Variants in GLRA2 observed in about 807,000 individuals in gnomAD.
GLRA2 encodes glycine receptor subunit alpha-2.
In GLRA2, 11 loss-of-function variants were observed where a neutral mutation model predicts 31.6. That is an observed-to-expected ratio of 0.35 (90% CI 0.22 to 0.58). The LOEUF (loss-of-function observed/expected upper bound fraction) is 0.58. Among genes scored for constraint, GLRA2 ranks in the 20% least tolerant of loss-of-function variants. The pLI, the probability that GLRA2 is intolerant of heterozygous loss-of-function variation, is 0.84. For synonymous variants in GLRA2, 132 were observed against 134.0 expected (o/e 0.99, Z 0.10); for missense variants, 212 against 351.8 (o/e 0.60, Z 3.18).
Position 14,669,715 on chromosome X carries a change from C to T in GLRA2, c.931-20995C>T, listed in dbSNP as rs2091071292. 3.6e-5 allele frequency among the ~76,000 whole-genome samples: 4 copies of T among 111,783 alleles called. No individual in the cohort carries two copies. In the Admixed American group the frequency reaches 3.8e-4, roughly 11 times the overall value. Reference sequence around the variant, plus strand: ...TGCAGGTCACCAAGTCCCAAGGCTGCATGCTGCAAACAGCACAGGGACCCC... The same window carrying T: ...TGCAGGTCACCAAGTCCCAAGGCTGTATGCTGCAAACAGCACAGGGACCCC... On this transcript the variant is annotated intron_variant, in intron 7 of 8. Transcript: ENST00000218075.
At chrX:14,645,862 T>C (rs2090824882) in intron 7 of GLRA2, among the ~76,000 whole-genome samples, 1 of 111,921 alleles carries the variant, frequency 8.9e-6, no homozygotes, top group Non-Finnish European at 1.9e-5. Flanking sequence ...AATACCTCCA[T>C]TGATCCTCTG....
At position 14,665,564 on chromosome X, in the gene GLRA2, A is replaced by G. The variant is rs2091030140; in HGVS notation, c.931-25146A>G. The stretch of plus-strand genomic sequence containing the variant: ...AATAAATCCTCAAACGGCAGATGGC[A>G]TGGTGGAGGGGATGTATAGTCAGTC... On this transcript the variant is annotated intron_variant, in intron 7 of 8. Coordinates refer to ENST00000218075, the MANE Select transcript of GLRA2 (RefSeq NM_002063.4). Among the ~76,000 whole-genome samples, 3 of 111,760 alleles carry G rather than the reference A, an allele frequency of 2.7e-5. No individual in the cohort carries two copies. The Admixed American group carries it at 2.9e-4, about 11-fold the overall frequency.
At chrX:14,497,430 T>C in the GLRA2 span, among the ~76,000 whole-genome samples, 1 of 112,086 alleles carries the variant, frequency 8.9e-6, no homozygotes, top group Non-Finnish European at 1.9e-5. Context: ...CGGTGCAGTC[T>C]TTTATAATTC....
chrX:14,604,675 A>G (rs2090315494), intron 5 of GLRA2, among the ~76,000 whole-genome samples: 1 of 108,964 alleles, frequency 9.2e-6, no homozygotes, highest in African/African-American at 3.3e-5. Flanking sequence ...CCCCCCGCCC[A>G]AAAAATAGCC....
chrX:14,678,848 G>A (rs749547756), intron 7 of GLRA2, among the ~76,000 whole-genome samples: 2 of 110,875 alleles, frequency 1.8e-5, no homozygotes, highest in South Asian at 3.9e-4. Flanking sequence ...CTATGGGGTT[G>A]GTGGCCCTAG....
In GLRA2 at chrX:14,567,735, G is replaced by T. The variant is rs182773321; in HGVS notation, c.203-6598G>T. On this transcript the variant is annotated intron_variant, in intron 2 of 8. Transcript: ENST00000218075. ...AGTCCTACGTATAGAAAACCCCAAAGAATCCAAAAGAAAATTACTAGAGCT... is the reference window on the plus strand; with the variant it reads ...AGTCCTACGTATAGAAAACCCCAAATAATCCAAAAGAAAATTACTAGAGCT... Among the ~76,000 whole-genome samples the T allele has an allele frequency of 1.5e-4, 17 of 111,813 alleles. No homozygotes were observed. The East Asian group carries it at 4.7e-3, about 31-fold the overall frequency.
At chrX:14,691,860 T>G (rs1043273941) in intron 8 of GLRA2, among the ~76,000 whole-genome samples, 7 of 112,314 alleles carry the variant, frequency 6.2e-5, no homozygotes. Flanking sequence ...TAACATTTTA[T>G]GTACAGTAGA....
chrX:14,523,512 C>T, the GLRA2 span, among the ~76,000 whole-genome samples: 3 of 112,317 alleles, frequency 2.7e-5, no homozygotes, highest in Non-Finnish European at 5.6e-5. Flanking sequence ...AGAGGCCTAA[C>T]TTTTGGCCTA....
At chrX:14,602,924 T>G (rs910370149) in intron 4 of GLRA2, among the ~76,000 whole-genome samples, 1 of 111,655 alleles carries the variant, frequency 9.0e-6, no homozygotes, top group African/African-American at 3.3e-5. Context: ...ATAACTTCTT[T>G]TTCTCTGGGT....
the GLRA2 span, among the ~76,000 whole-genome samples, chrX:14,497,920 T>C: frequency 4.5e-5 from 5 of 110,518 alleles, no homozygotes; most frequent in African/African-American, 1.6e-4. Flanking sequence ...GACAGCAAGA[T>C]GGATTATGCA....
At chrX:14,649,214 T>A (rs781138729) in intron 7 of GLRA2, among the ~76,000 whole-genome samples, 194 of 103,133 alleles carry the variant, frequency 1.9e-3, no homozygotes, top group Middle Eastern at 9.9e-3. Context: ...CTCCGTTTTT[T>A]AAAAAAAAAA....
intron 7 of GLRA2, among the ~76,000 whole-genome samples, chrX:14,616,616 G>C (rs2090456831): frequency 9.0e-6 from 1 of 111,643 alleles, no homozygotes; most frequent in Non-Finnish European, 1.9e-5. Context: ...ATTGCAGTAA[G>C]AGAACTACGA....
Position 14,702,162 on chromosome X carries a change from T to G in GLRA2, c.1080+11303T>G, listed in dbSNP as rs144028667. Among the ~76,000 whole-genome samples the G allele has an allele frequency of 3.2e-3, 361 of 111,676 alleles. 1 individual carries two copies. The highest frequency in any genetic ancestry group is 0.011 in the African/African-American group (328 of 30,688). On this transcript the variant is annotated intron_variant, in intron 8 of 8. Coordinates refer to ENST00000218075, the MANE Select transcript of GLRA2 (RefSeq NM_002063.4). ...ACGACATGATGCTTTCACTACATCA[T>G]AAAAAGTTGAGTCAGGAAAGTGCTA...
At chrX:14,625,945 T>C (rs1569512394) in intron 7 of GLRA2, among the ~76,000 whole-genome samples, 1 of 112,113 alleles carries the variant, frequency 8.9e-6, no homozygotes, top group Non-Finnish European at 1.9e-5. Flanking sequence ...CTCAAGGTCA[T>C]ACAGAGCTAG....
chrX:14,626,810 G>C (rs1400232611), intron 7 of GLRA2, among the ~76,000 whole-genome samples: 3 of 112,097 alleles, frequency 2.7e-5, no homozygotes, highest in Non-Finnish European at 5.7e-5. Context: ...AGGAACTGCA[G>C]TCACACATAA....
intron 3 of GLRA2, among the ~76,000 whole-genome samples, chrX:14,577,434 C>A (rs994804937): frequency 8.9e-6 from 1 of 112,675 alleles, no homozygotes; most frequent in Non-Finnish European, 1.9e-5. Context: ...TGAGGCCCTG[C>A]CTGGGACTCC....
At chrX:14,600,494 CTA>C (rs1233760602) in intron 4 of GLRA2, among the ~76,000 whole-genome samples, 2 of 110,832 alleles carry the variant, frequency 1.8e-5, no homozygotes, top group East Asian at 5.7e-4. Context: ...CATATGCCAT[CTA>C]ATTATTTTCA....
intron 2 of GLRA2, among the ~76,000 whole-genome samples, chrX:14,544,743 G>A (rs1485900940): frequency 9.0e-6 from 1 of 111,459 alleles, no homozygotes; most frequent in African/African-American, 3.3e-5. Flanking sequence ...AAAATGAAAT[G>A]TCTTTGAAAT....
the GLRA2 span, among the ~76,000 whole-genome samples, chrX:14,465,210 C>T: frequency 9.0e-6 from 1 of 111,721 alleles, no homozygotes. Context: ...ATTTTTGTAG[C>T]TATTGTAAAT....
Sources: allele counts gnomAD v4.1 joint callset (sites outside exome capture counted in the v4.1 genomes callset), GRCh38; gene constraint gnomAD v4.1.1; transcripts MANE v1.5; gene names NCBI Gene and HGNC (gene_info 2026-07-23, HGNC 2026-07-21).